The following VPS13B variants were observed in gnomAD, a reference collection of about 807,000 sequenced individuals.
VPS13B encodes the protein intermembrane lipid transfer protein VPS13B.
In VPS13B, 285 loss-of-function variants were observed where a neutral mutation model predicts 426.4. The observed-to-expected ratio is 0.67, with a 90% confidence interval of 0.61 to 0.74. The LOEUF (loss-of-function observed/expected upper bound fraction) is 0.74, where lower values mean the gene tolerates loss of function less well. VPS13B is among the 30% of genes least tolerant of loss of function. The pLI is 0.00. For missense variants in VPS13B, 4,537 were observed against 4,782.6 expected (o/e 0.95, Z 1.51); for synonymous variants, 1,676 against 1,676.4 (o/e 1.00, Z 0.01).
chr8:99,850,727 A>T (rs1480685566), intron 55 of VPS13B, among the ~76,000 whole-genome samples: 1 of 152,206 alleles, frequency 6.6e-6, no homozygotes, highest in East Asian at 1.9e-4. Flanking sequence ...GGAGTTTGAG[A>T]TCAGCCTGGC....
chr8:99,049,237 A>G (rs1387561636), intron 3 of VPS13B, among the ~76,000 whole-genome samples: 4 of 144,654 alleles, frequency 2.8e-5, no homozygotes, highest in Admixed American at 2.1e-4. Flanking sequence ...TTCAAATTGT[A>G]TTTTTGTTTT....
intron 3 of VPS13B, among the ~76,000 whole-genome samples, chr8:99,077,468 C>G (rs1845196648): frequency 6.6e-6 from 1 of 151,730 alleles, no homozygotes; most frequent in South Asian, 2.1e-4. Flanking sequence ...CCGTGCCTGG[C>G]CTGCTCTTTC....
At chr8:99,278,445 A>G (rs1248880078) in intron 19 of VPS13B, among the ~76,000 whole-genome samples, 1 of 152,214 alleles carries the variant, frequency 6.6e-6, no homozygotes. Context: ...AAAATGTCAC[A>G]TTTGTGTAAA....
intron 19 of VPS13B, among the ~76,000 whole-genome samples, chr8:99,381,430 G>T (rs978535325): frequency 6.6e-6 from 1 of 152,052 alleles, no homozygotes; most frequent in Non-Finnish European, 1.5e-5. Flanking sequence ...TTGTAATGGG[G>T]TGGCTGGGTT....
chr8:99,662,143 T>C (rs1274878691), intron 35 of VPS13B, among the ~76,000 whole-genome samples: 2 of 152,140 alleles, frequency 1.3e-5, no homozygotes, highest in Non-Finnish European at 2.9e-5. Flanking sequence ...AGAGGAGCCA[T>C]TCAAACCTAA....
chr8:99,366,724 T>G (rs1038179556), intron 19 of VPS13B, among the ~76,000 whole-genome samples: 2 of 152,024 alleles, frequency 1.3e-5, no homozygotes, highest in African/African-American at 2.4e-5. Flanking sequence ...ATGGTATTAT[T>G]TAATTTCTTG....
At chr8:99,770,377 C>A (rs917255217) in intron 40 of VPS13B, among the ~76,000 whole-genome samples, 10 of 152,154 alleles carry the variant, frequency 6.6e-5, no homozygotes, top group Non-Finnish European at 1.2e-4. Context: ...AGCTGTTTAT[C>A]TTACTCCCAT....
At chr8:99,156,124 T>C (rs1255411799) in intron 14 of VPS13B, among the ~76,000 whole-genome samples, 1 of 152,202 alleles carries the variant, frequency 6.6e-6, no homozygotes, top group Non-Finnish European at 1.5e-5. Context: ...TTTTTGACAT[T>C]GTGTGGTGTA....
At chr8:99,580,168 C>T (rs936665011) in intron 33 of VPS13B, among the ~76,000 whole-genome samples, 1 of 151,592 alleles carries the variant, frequency 6.6e-6, no homozygotes, top group Admixed American at 6.6e-5. Context: ...ATAAGAATCC[C>T]ATTTATCAGG....
intron 35 of VPS13B, among the ~76,000 whole-genome samples, chr8:99,669,087 G>C (rs1830602901): frequency 6.6e-6 from 1 of 151,994 alleles, no homozygotes; most frequent in Non-Finnish European, 1.5e-5. Context: ...TTAGCCTATA[G>C]AAAAAAATTA....
rs1588695453 is a variant in VPS13B at position 99,766,982 on chromosome 8, A to G, written c.7247+12A>G. ...GCTGATGACCAAAGGTAATTCATTG[A>G]AAGATGATATGGTAGCATTACACTG... On this transcript the variant is annotated intron_variant, in intron 40 of 61. Coordinates refer to ENST00000357162, the MANE Select transcript of VPS13B (RefSeq NM_152564.5). The G allele has an allele frequency of 6.2e-7, 1 of 1,612,388 alleles. No individual in the cohort carries two copies. The highest frequency in any genetic ancestry group is 8.5e-7 in the Non-Finnish European group (1 of 1,178,770).
At position 99,699,724 on chromosome 8, in the gene VPS13B, A is replaced by G; in HGVS notation, c.6246A>G (p.Lys2082=). ...AATATTACCGTGGAAAGTTGTCTAA[A>G]CCCAAAATTCATGGTGATGGAGTGC... The part of the protein sequence containing the change: ...VSKYYRGKLS[K]PKIHGDGVQK... Residue 2082 remains lysine (K), a synonymous_variant, in exon 36 of 62, where the codon AAA becomes AAG. Transcript: ENST00000357162. The G allele has an allele frequency of 1.2e-6, 2 of 1,614,178 alleles. No homozygotes were observed. Among genetic ancestry groups the G allele is most frequent in the Non-Finnish European group, 1.7e-6 (2 of 1,180,026 alleles).
intron 58 of VPS13B, among the ~76,000 whole-genome samples, chr8:99,865,404 C>A (rs985929165): frequency 7.9e-5 from 12 of 152,216 alleles, no homozygotes; most frequent in African/African-American, 2.9e-4. Context: ...GTTTGTGATG[C>A]GCTGCTGGAT....
intron 21 of VPS13B, among the ~76,000 whole-genome samples, chr8:99,417,651 T>A (rs753916920): frequency 6.6e-6 from 1 of 152,230 alleles, no homozygotes; most frequent in Non-Finnish European, 1.5e-5. Flanking sequence ...ACTTGAACAT[T>A]GAATTCTAGA....
intron 25 of VPS13B, among the ~76,000 whole-genome samples, chr8:99,486,110 G>T (rs1016039905): frequency 2.0e-5 from 3 of 152,090 alleles, no homozygotes; most frequent in Non-Finnish European, 4.4e-5. Flanking sequence ...TTTTGCCAGG[G>T]TGCTAGAGAT....
At chr8:99,859,528 T>G in intron 57 of VPS13B, 48 bp downstream of exon 57, 1 of 1,603,132 alleles carries the variant, frequency 6.2e-7, no homozygotes, top group African/African-American at 1.3e-5. Context: ...CTTCCCTTTT[T>G]TTTTTTTTTT....
chr8:99,301,419 G>A (rs905990496), intron 19 of VPS13B, among the ~76,000 whole-genome samples: 1 of 151,464 alleles, frequency 6.6e-6, no homozygotes, highest in South Asian at 2.1e-4. Context: ...TTAGCCTCCC[G>A]AGTAGCTGGG....
chr8:99,298,658 A>G (rs1356045601), intron 19 of VPS13B, among the ~76,000 whole-genome samples: 1 of 152,206 alleles, frequency 6.6e-6, no homozygotes, highest in Non-Finnish European at 1.5e-5. Context: ...ACTCTCAAGT[A>G]TCTTGTAAAT....
At chr8:99,163,706 C>T (rs1811821164) in intron 15 of VPS13B, among the ~76,000 whole-genome samples, 1 of 152,200 alleles carries the variant, frequency 6.6e-6, no homozygotes, top group South Asian at 2.1e-4. Flanking sequence ...CGGAGCCCAC[C>T]AAGCCCATGT....
Sources: allele counts gnomAD v4.1 joint callset (sites outside exome capture counted in the v4.1 genomes callset), GRCh38; gene constraint gnomAD v4.1.1; transcripts MANE v1.5; gene names NCBI Gene and HGNC (gene_info 2026-07-23, HGNC 2026-07-21).